The following PBX3 variants were observed in gnomAD, a reference collection of about 807,000 sequenced individuals.
PBX3 encodes the protein pre-B-cell leukemia transcription factor 3.
In PBX3, 14 loss-of-function variants were observed where a neutral mutation model predicts 48.5. That is an observed-to-expected ratio of 0.29 (90% CI 0.19 to 0.45). The LOEUF (loss-of-function observed/expected upper bound fraction) is 0.45, where lower values mean the gene tolerates loss of function less well. PBX3 is among the 20% of genes least tolerant of loss of function. The pLI is 1.00. For missense variants in PBX3, 386 were observed against 546.7 expected (o/e 0.71, Z 2.93); for synonymous variants, 210 against 200.3 (o/e 1.05, Z -0.41).
At chr9:125,910,779 C>G (rs1308113990) in intron 2 of PBX3, among the ~76,000 whole-genome samples, 1 of 150,544 alleles carries the variant, frequency 6.6e-6, no homozygotes, top group African/African-American at 2.4e-5. Context: ...GCCATTTCCT[C>G]ATAATCTTTT....
At chr9:125,802,748 G>A (rs550540728) in intron 2 of PBX3, among the ~76,000 whole-genome samples, 68 of 147,536 alleles carry the variant, frequency 4.6e-4, no homozygotes, top group African/African-American at 1.5e-3. Context: ...GTGCGATCTC[G>A]GCTCAGTGCA....
At chr9:125,753,068 C>T (rs908353638) in intron 2 of PBX3, among the ~76,000 whole-genome samples, 2 of 152,036 alleles carry the variant, frequency 1.3e-5, no homozygotes, top group Admixed American at 6.5e-5. Context: ...CTTGGCCAGT[C>T]GTGTTTTCTC....
At chr9:125,921,759 C>A (rs1281409109) in intron 3 of PBX3, among the ~76,000 whole-genome samples, 2 of 152,140 alleles carry the variant, frequency 1.3e-5, no homozygotes, top group Admixed American at 1.3e-4. Context: ...ACAAAATCTA[C>A]CGTATTCGAC....
chr9:125,862,746 A>G (rs1039286488), intron 2 of PBX3, among the ~76,000 whole-genome samples: 3 of 152,176 alleles, frequency 2.0e-5, no homozygotes, highest in African/African-American at 7.2e-5. Flanking sequence ...ACAAAGGATG[A>G]TATTGTATGG....
intron 5 of PBX3, among the ~76,000 whole-genome samples, chr9:125,951,953 A>G (rs1842204447): frequency 1.3e-5 from 2 of 152,164 alleles, no homozygotes; most frequent in Admixed American, 6.5e-5. Context: ...ATTTATTAAC[A>G]CCATTAACTT....
chr9:125,747,650 C>A lies in PBX3; in HGVS notation c.197C>A (p.Ala66Glu). The change falls in exon 1 of 9, where the codon GCA becomes GAA. Residue 66 changes from alanine (A) to glutamate (E), a missense_variant. By Grantham distance (107) the Ala-to-Glu change is moderately radical. Transcript: ENST00000373489. Reference protein sequence around the residue: ...ITDQSLDEAQAKKHALNCHRM... With the variant: ...ITDQSLDEAQEKKHALNCHRM... ...GACCAGAGCTTGGACGAGGCGCAAG[C>A]AAAGTTGGTGTCGTCTCATTAAGCA... The A allele has an allele frequency of 6.3e-7, 1 of 1,590,322 alleles. No individual in the cohort carries two copies. The highest frequency in any genetic ancestry group is 1.7e-5 in the Admixed American group (1 of 57,764).
intron 2 of PBX3, among the ~76,000 whole-genome samples, chr9:125,906,957 A>T (rs1025417650): frequency 6.6e-6 from 1 of 152,016 alleles, no homozygotes. Flanking sequence ...TTTCAGAACA[A>T]ATCAACAGCA....
At chr9:125,891,604 TG>T (rs1211257379) in intron 2 of PBX3, among the ~76,000 whole-genome samples, 1 of 152,234 alleles carries the variant, frequency 6.6e-6, no homozygotes, top group African/African-American at 2.4e-5. Context: ...GAACTCACAA[TG>T]AAAGAAAAAT....
At chr9:125,892,488 A>G (rs1325543957) in intron 2 of PBX3, among the ~76,000 whole-genome samples, 10 of 152,184 alleles carry the variant, frequency 6.6e-5, no homozygotes, top group Admixed American at 5.9e-4. Flanking sequence ...ACATGGTATC[A>G]TTAGCTTTGA....
At chr9:125,748,424 C>A (rs1836269012) in intron 1 of PBX3, 126 bp from the exon 2 acceptor site, 2 of 1,459,582 alleles carry the variant, frequency 1.4e-6, no homozygotes, top group Non-Finnish European at 1.8e-6. Flanking sequence ...TGTTGACTTC[C>A]CACGGTTCAA....
chr9:125,825,539 C>T (rs1838784609), intron 2 of PBX3, among the ~76,000 whole-genome samples: 1 of 149,686 alleles, frequency 6.7e-6, no homozygotes, highest in African/African-American at 2.5e-5. Context: ...GCTGTTTTCT[C>T]ATATTTCCTT....
At chr9:125,961,754 G>A (rs1159586703) in intron 6 of PBX3, among the ~76,000 whole-genome samples, 1 of 152,208 alleles carries the variant, frequency 6.6e-6, no homozygotes, top group African/African-American at 2.4e-5. Flanking sequence ...TGACAAGCTC[G>A]TGTAATGACT....
intron 2 of PBX3, among the ~76,000 whole-genome samples, chr9:125,912,393 G>A (rs1241761641): frequency 1.3e-5 from 2 of 152,060 alleles, no homozygotes; most frequent in African/African-American, 2.4e-5. Context: ...ATTTTGACCC[G>A]TAATTTATTT....
chr9:125,822,002 A>T (rs1359400380), intron 2 of PBX3, among the ~76,000 whole-genome samples: 1 of 144,508 alleles, frequency 6.9e-6, no homozygotes, highest in African/African-American at 2.5e-5. Flanking sequence ...AGAATTAATT[A>T]AAAATGATGG....
At chr9:125,772,747 CT>C (rs1836972647) in intron 2 of PBX3, among the ~76,000 whole-genome samples, 2 of 151,644 alleles carry the variant, frequency 1.3e-5, no homozygotes, top group South Asian at 4.2e-4. Flanking sequence ...TTGCTGTTAT[CT>C]TATCTATTCA....
intron 2 of PBX3, among the ~76,000 whole-genome samples, chr9:125,750,094 T>TC (rs1836329730): frequency 6.6e-6 from 1 of 152,230 alleles, no homozygotes; most frequent in South Asian, 2.1e-4. Flanking sequence ...AGATTCTTAG[T>TC]TTAGAAGCTT....
chr9:125,809,020 A>C (rs1838209210), intron 2 of PBX3, among the ~76,000 whole-genome samples: 1 of 152,244 alleles, frequency 6.6e-6, no homozygotes. Context: ...ACCAGACAGC[A>C]CTTACCGCTG....
chr9:125,880,416 A>T (rs1166131070), intron 2 of PBX3, among the ~76,000 whole-genome samples: 2 of 152,218 alleles, frequency 1.3e-5, no homozygotes, highest in East Asian at 3.8e-4. Flanking sequence ...TCCTCTCATT[A>T]CACTTAAGCA....
chr9:125,780,600 C>G (rs539197133), intron 2 of PBX3, among the ~76,000 whole-genome samples: 1 of 133,740 alleles, frequency 7.5e-6, no homozygotes, highest in South Asian at 2.4e-4. Context: ...TGGGCAGAGG[C>G]GCCCCTCACC....
Sources: gnomAD v4.1 joint callset for allele counts (sites outside exome capture counted in the v4.1 genomes callset) on GRCh38, gnomAD v4.1.1 for gene constraint, MANE v1.5 for transcripts, NCBI Gene and HGNC (gene_info 2026-07-23, HGNC 2026-07-21) for gene names.